The following DISC1 variants were observed in gnomAD, a reference collection of about 807,000 sequenced individuals.
DISC1 encodes DISC1 scaffold protein.
Under a neutral mutation model 84.5 loss-of-function variants are expected in DISC1, and 57 were observed. That is an observed-to-expected ratio of 0.67 (90% confidence interval 0.55 to 0.84). The LOEUF (loss-of-function observed/expected upper bound fraction) is 0.84, where lower values mean the gene tolerates loss of function less well. Among genes scored for constraint, DISC1 ranks in the 40% least tolerant of loss-of-function variants. The probability of loss-of-function intolerance (pLI) is 0.00; values close to 1 mark genes in which losing one functional copy is unlikely to be tolerated. For missense variants in DISC1, 1,000 were observed against 1,057.8 expected, an observed-to-expected ratio of 0.95 and a Z score of 0.76; for synonymous variants, 411 against 415.2, an observed-to-expected ratio of 0.99 and a Z score of 0.12.
chr1:231,642,217 C>G (rs557778485), intron 1 of DISC1, among the ~76,000 whole-genome samples: 1 of 152,336 alleles, frequency 6.6e-6, no homozygotes, highest in African/African-American at 2.4e-5. Flanking sequence ...CCCGCGGAGC[C>G]CATGCTCACC....
At chr1:231,796,345 G>C (rs965190886) in intron 7 of DISC1, among the ~76,000 whole-genome samples, 1 of 129,876 alleles carries the variant, frequency 7.7e-6, no homozygotes, top group African/African-American at 2.6e-5. Context: ...GTTGTACCAT[G>C]GTCGAAATGT....
intron 2 of DISC1, among the ~76,000 whole-genome samples, chr1:231,701,574 G>C (rs1012390872): frequency 1.8e-4 from 27 of 152,266 alleles, no homozygotes; most frequent in African/African-American, 6.3e-4. Flanking sequence ...TGGTTTCTCT[G>C]CCAATTTTGG....
At chr1:231,880,347 G>A (rs959116082) in intron 9 of DISC1, among the ~76,000 whole-genome samples, 1 of 152,106 alleles carries the variant, frequency 6.6e-6, no homozygotes, top group African/African-American at 2.4e-5. Flanking sequence ...TCAGTTTCAG[G>A]TATTCTGTTA....
intron 6 of DISC1, among the ~76,000 whole-genome samples, chr1:231,773,023 G>A (rs12046795): frequency 0.16 from 24,402 of 152,160 alleles, 2,021 homozygotes; most frequent in Middle Eastern, 0.21. Flanking sequence ...TGGTGTGGTG[G>A]GTAGGCTGTT....
chr1:232,036,670 T>A, intron 12 of DISC1, 22 bp from the exon 13 acceptor site: 1 of 1,547,554 alleles, frequency 6.5e-7, no homozygotes, highest in Non-Finnish European at 8.8e-7. Context: ...CCTTCGAATG[T>A]GCTCCTTAAC....
rs1439799852 is a variant in DISC1 at position 231,713,837 on chromosome 1, A to G, written c.1117+11813A>G. The stretch of plus-strand genomic sequence containing the variant: ...ATATATATATAGGAGAGATATATAT[A>G]GGAGATATATATATATATAGGAGAT... On this transcript the variant is annotated intron_variant, in intron 3 of 12. Coordinates refer to ENST00000439617, the MANE Select transcript of DISC1 (RefSeq NM_018662.3). Among the ~76,000 whole-genome samples the G allele has an allele frequency of 5.1e-5, 7 of 137,354 alleles. No individual in the cohort carries two copies. In the East Asian group the frequency reaches 1.5e-3, roughly 29 times the overall value. 90.1% of individuals were successfully genotyped at this position (137,354 alleles called of 152,430 possible). A position where few individuals can be genotyped will look rare whatever the true frequency, so the allele number is the denominator to read the frequency against.
intron 11 of DISC1, among the ~76,000 whole-genome samples, chr1:232,012,656 A>G (rs1558836381): frequency 6.6e-6 from 1 of 152,098 alleles, no homozygotes; most frequent in South Asian, 2.1e-4. Context: ...CTTCTTATAG[A>G]GGTCCACAGG....
intron 9 of DISC1, among the ~76,000 whole-genome samples, chr1:231,942,817 G>T (rs570347508): frequency 6.6e-6 from 1 of 152,330 alleles, no homozygotes; most frequent in East Asian, 1.9e-4. Context: ...GCTGAGCACC[G>T]GGCATTGCCT....
At chr1:231,787,622 C>T (rs551060466) in intron 6 of DISC1, among the ~76,000 whole-genome samples, 43 of 152,278 alleles carry the variant, frequency 2.8e-4, no homozygotes, top group African/African-American at 9.1e-4. Flanking sequence ...ATTAAGTTTC[C>T]GACACGTGAA....
At chr1:231,957,749 GTT>G (rs1473208807) in intron 9 of DISC1, among the ~76,000 whole-genome samples, 4 of 152,126 alleles carry the variant, frequency 2.6e-5, no homozygotes, top group Non-Finnish European at 5.9e-5. Context: ...ATGTTTAATT[GTT>G]TTAATTTCCA....
At chr1:231,986,177 G>A (rs1192213074) in intron 10 of DISC1, among the ~76,000 whole-genome samples, 3 of 152,128 alleles carry the variant, frequency 2.0e-5, no homozygotes, top group East Asian at 1.9e-4. Context: ...GATACACATC[G>A]GTCCCCTCAT....
intron 9 of DISC1, among the ~76,000 whole-genome samples, chr1:231,872,677 A>G (rs2085553322): frequency 6.6e-6 from 1 of 152,178 alleles, no homozygotes; most frequent in Admixed American, 6.5e-5. Flanking sequence ...TTAAAAAAAA[A>G]AAATCAACTG....
intron 10 of DISC1, among the ~76,000 whole-genome samples, chr1:231,969,282 A>C (rs1035483980): frequency 1.4e-5 from 2 of 143,632 alleles, no homozygotes; most frequent in African/African-American, 5.2e-5. Context: ...GAGGTAATTG[A>C]GTTCTTGCTA....
intron 9 of DISC1, among the ~76,000 whole-genome samples, chr1:231,833,239 A>T (rs12409089): frequency 0.28 from 42,057 of 149,654 alleles, 6,444 homozygotes; most frequent in East Asian, 0.36. Flanking sequence ...GAGTATTGTC[A>T]AAGTTGGCAC....
intron 9 of DISC1, among the ~76,000 whole-genome samples, chr1:231,868,210 C>T (rs556290848): frequency 6.6e-6 from 1 of 152,242 alleles, no homozygotes; most frequent in Admixed American, 6.5e-5. Context: ...TCCGTTCTCC[C>T]CTTTTTAGGT....
intron 3 of DISC1, chr1:231,722,955 T>C (rs200717168): frequency 8.7e-4 from 1,057 of 1,208,916 alleles, no homozygotes; most frequent in Middle Eastern, 1.8e-3. Context: ...TGGAAAAATA[T>C]GCTATGATTA....
chr1:231,797,938 A>ATG (rs376071060), intron 7 of DISC1, among the ~76,000 whole-genome samples: 2 of 151,742 alleles, frequency 1.3e-5, no homozygotes, highest in Non-Finnish European at 2.9e-5. Context: ...ACAGACACGA[A>ATG]TGTGTGTGTG....
chr1:231,761,907 C>T (rs1412399722), intron 4 of DISC1, among the ~76,000 whole-genome samples: 1 of 146,374 alleles, frequency 6.8e-6, no homozygotes, highest in Non-Finnish European at 1.5e-5. Flanking sequence ...AGTCCCTTCC[C>T]TCCAGGTTCA....
intron 6 of DISC1, among the ~76,000 whole-genome samples, chr1:231,788,108 C>T (rs2078032616): frequency 6.6e-6 from 1 of 152,118 alleles, no homozygotes; most frequent in South Asian, 2.1e-4. Context: ...TATGGTGAAA[C>T]CCCATTTCTA....
Sources: gnomAD v4.1 joint callset for allele counts (sites outside exome capture counted in the v4.1 genomes callset) on GRCh38, gnomAD v4.1.1 for gene constraint, MANE v1.5 for transcripts, NCBI Gene and HGNC (gene_info 2026-07-23, HGNC 2026-07-21) for gene names.